PLK5: variants seen among roughly 807,000 people sequenced by gnomAD.
PLK5 encodes the protein polo like kinase 5 (inactive).
A neutral mutation model predicts 33.7 loss-of-function variants in PLK5; 28 were observed. That is an observed-to-expected ratio of 0.83 (90% confidence interval 0.62 to 1.14). The LOEUF (loss-of-function observed/expected upper bound fraction) is 1.14. Among genes scored for constraint, PLK5 ranks in the 50% most tolerant of loss-of-function variants. The probability of loss-of-function intolerance (pLI) is 0.00; values close to 1 mark genes in which losing one functional copy is unlikely to be tolerated. For missense variants in PLK5, 492 were observed against 461.5 expected, an observed-to-expected ratio of 1.07 and a Z score of -0.61; for synonymous variants, 225 against 202.2, an observed-to-expected ratio of 1.11 and a Z score of -0.96.
Position 1,535,584 on chromosome 19 carries a change from G to T in PLK5, c.*334G>T. The T allele has an allele frequency of 3.2e-6, 1 of 314,460 alleles. No homozygotes were observed. The highest frequency in any genetic ancestry group is 5.9e-6 in the Non-Finnish European group (1 of 170,940). 19.5% of individuals were successfully genotyped at this position (314,460 alleles called of 1,614,324 possible). A position where few individuals can be genotyped will look rare whatever the true frequency, so the allele number is the denominator to read the frequency against. ...AGAGGTGGGTTACATTTTCACTAAT[G>T]CAGACATTAGCACCAGAGGCCAGTG... On this transcript the variant is annotated 3_prime_UTR_variant, in exon 14 of 14. Coordinates refer to ENST00000454744, the MANE Select transcript of PLK5 (RefSeq NM_001243079.2).
At chr19:1,534,622 G>A (rs967930868) in intron 13 of PLK5, among the ~76,000 whole-genome samples, 4 of 147,332 alleles carry the variant, frequency 2.7e-5, no homozygotes, top group African/African-American at 7.6e-5. Flanking sequence ...TGCCTAACAC[G>A]GTGAAACCCC....
rs1743064988 is a variant in PLK5 at position 1,534,798 on chromosome 19, C to T, written c.826-267C>T. 3.4e-5 allele frequency among the ~76,000 whole-genome samples: 5 copies of T among 147,366 alleles called. No individual in the cohort carries two copies. In the East Asian group the frequency reaches 1.0e-3, roughly 31 times the overall value. On this transcript the variant is annotated intron_variant, in intron 13 of 13. Coordinates refer to ENST00000454744, the MANE Select transcript of PLK5 (RefSeq NM_001243079.2). Reference sequence around the variant, plus strand: ...CGCCACTGCACTCCAGCCTGGGTGACAGAGCAGGACTCTGTTTAAAAAAAA... The same window carrying T: ...CGCCACTGCACTCCAGCCTGGGTGATAGAGCAGGACTCTGTTTAAAAAAAA...
Position 1,535,206 on chromosome 19 carries a change from G to C in PLK5, c.967G>C (p.Gly323Arg), listed in dbSNP as rs265282. The C allele has an allele frequency of 0.25, 381,102 of 1,534,546 alleles. 61,200 individuals carry two copies. Among genetic ancestry groups the C allele is most frequent in the East Asian group, 0.67 (27,438 of 40,794 alleles). Reference protein sequence around the residue: ...PRSHGCAPTTGQHLHHALRML... With the variant: ...PRSHGCAPTTRQHLHHALRML... Reference sequence around the variant, plus strand: ...GAGCCACGGCTGCGCCCCCACCACCGGACAGCACCTTCACCACGCCCTCCG... The same window carrying C: ...GAGCCACGGCTGCGCCCCCACCACCCGACAGCACCTTCACCACGCCCTCCG... Residue 323 changes from glycine (G) to arginine (R), a missense_variant, in exon 14 of 14, where the codon GGA becomes CGA. By Grantham distance (125) the Gly-to-Arg change is moderately radical. Coordinates refer to ENST00000454744, the MANE Select transcript of PLK5 (RefSeq NM_001243079.2).
Position 1,528,130 on chromosome 19 carries a change from C to T in PLK5, c.197C>T (p.Thr66Ile). The change falls in exon 7 of 14, where the codon ACA (threonine) becomes ATA (isoleucine). Residue 66 changes from threonine to isoleucine, a missense_variant. Coordinates refer to ENST00000454744, the MANE Select transcript of PLK5 (RefSeq NM_001243079.2). ...CACCTGCTGCAGGACGACTTCTTCA[C>T]ACAGGTGGGCGGCGGTCCTCGGCGT... The part of the protein sequence containing the change: ...LDHLLQDDFF[T>I]QGFTPDRLPA... 6.7e-7 allele frequency: 1 copy of T among 1,489,956 alleles called. No homozygotes were observed. The highest frequency in any genetic ancestry group is 2.7e-5 in the East Asian group (1 of 37,334). 92.3% of individuals were successfully genotyped at this position (1,489,956 alleles called of 1,614,324 possible).
intron 11 of PLK5, among the ~76,000 whole-genome samples, chr19:1,530,099 C>T (rs1354205926): frequency 1.3e-5 from 2 of 152,006 alleles, no homozygotes; most frequent in East Asian, 1.9e-4. Context: ...TGACCTGGGA[C>T]GTTGGACACA....
chr19:1,529,207 A>G (rs1209910212), intron 9 of PLK5, among the ~76,000 whole-genome samples, 199 bp from the exon 10 acceptor site: 1 of 152,082 alleles, frequency 6.6e-6, no homozygotes, highest in Non-Finnish European at 1.5e-5. Flanking sequence ...GGTCCCATCC[A>G]TGGCTTCAGT....
chr19:1,533,777 C>G, intron 12 of PLK5, 154 bp from the exon 13 acceptor site: 1 of 641,350 alleles, frequency 1.6e-6, no homozygotes, highest in Middle Eastern at 4.2e-4. Context: ...GAGGGATGTG[C>G]CCGGCCTGCT....
chr19:1,528,167 C>T (rs547215949), intron 7 of PLK5, 33 bp downstream of exon 7: 21 of 1,531,410 alleles, frequency 1.4e-5, no homozygotes, highest in South Asian at 1.1e-4. Flanking sequence ...GGGTCCCTGG[C>T]GTGGGGTCCC....
At chr19:1,527,331 G>A (rs78985330) in intron 6 of PLK5, among the ~76,000 whole-genome samples, 7,059 of 152,160 alleles carry the variant, frequency 0.046, 515 homozygotes, top group African/African-American at 0.16. Flanking sequence ...GCCAGGCGCA[G>A]TGACTCACGC....
intron 11 of PLK5, among the ~76,000 whole-genome samples, chr19:1,530,675 T>A (rs1186211124): frequency 2.8e-4 from 38 of 137,134 alleles, no homozygotes; most frequent in South Asian, 7.5e-4. Context: ...GCTGGAGTGC[T>A]GTGGCGTGAT....
At chr19:1,533,391 T>C (rs1913990314) in intron 12 of PLK5, among the ~76,000 whole-genome samples, 1 of 152,120 alleles carries the variant, frequency 6.6e-6, no homozygotes, top group African/African-American at 2.4e-5. Flanking sequence ...GCGCCCGGCC[T>C]TAACACAATC....
chr19:1,528,342 GT>G lies in PLK5; in HGVS notation c.243del (p.Ile84SerfsTer103). ...CGGCTGCCGGCCCACTCCTGCCACA[GT>G]CCCCCCATCTTCGCCATACCCCCGC... Reference protein sequence around the residue: ...PDRLPAHSCHSPPIFAIPPPL... With the variant: ...PDRLPAHSCHXPPIFAIPPPL... On this transcript the variant is annotated frameshift_variant, in exon 8 of 14. Coordinates refer to ENST00000454744, the MANE Select transcript of PLK5 (RefSeq NM_001243079.2). LOFTEE classifies it high-confidence loss of function. 1 of 1,535,698 alleles carries G rather than the reference GT, an allele frequency of 6.5e-7. No individual in the cohort carries two copies. The highest frequency in any genetic ancestry group is 8.7e-7 in the Non-Finnish European group (1 of 1,146,766).
In PLK5 at chr19:1,524,116, C is replaced by G. The variant is rs1239622083; in HGVS notation, c.-674C>G. ...GCGGCCGCAGCGCGGTGGTCTCGGC[C>G]CGGCTGCGCCAGAGTCCGCGCGATG... On this transcript the variant is annotated 5_prime_UTR_variant, in exon 1 of 14. Coordinates refer to ENST00000454744, the MANE Select transcript of PLK5 (RefSeq NM_001243079.2). This position sits in a 1 kb window ranked among gnomAD's most constrained non-coding sequence, Gnocchi z 4.5. 1 of 150,982 alleles carries G rather than the reference C, an allele frequency of 6.6e-6. No homozygotes were observed. The highest frequency in any genetic ancestry group is 2.4e-5 in the African/African-American group (1 of 41,274). 9.4% of individuals were successfully genotyped at this position (150,982 alleles called of 1,614,324 possible).
Position 1,533,948 on chromosome 19 carries a change from A to G in PLK5, c.732A>G (p.Thr244=). ...ATPRREGTLP[T]PVPPAGPGLC... ...GTCCACAGGAGGGGACCCTCCCCAC[A>G]CCTGTGCCACCTGCTGGACCCGGCC... is the stretch of plus-strand genomic sequence containing the variant. The change falls in exon 13 of 14, where the codon ACA becomes ACG. Residue 244 remains threonine (T), a synonymous_variant. Transcript: ENST00000454744. The G allele has an allele frequency of 1.3e-6, 2 of 1,534,314 alleles. No homozygotes were observed. Among genetic ancestry groups the G allele is most frequent in the South Asian group, 1.2e-5 (1 of 83,982 alleles).
In PLK5 at chr19:1,535,774, CT is replaced by C. The variant is rs1274863959; in HGVS notation, c.*525del. ...CCTGTAGTCCCAGCTACTTGGGAGGCTGAGATGGGAGGATGGCGTGAGCATG... is the reference window on the plus strand; with the variant it reads ...CCTGTAGTCCCAGCTACTTGGGAGGCGAGATGGGAGGATGGCGTGAGCATG... On this transcript the variant is annotated 3_prime_UTR_variant, in exon 14 of 14. Coordinates refer to ENST00000454744, the MANE Select transcript of PLK5 (RefSeq NM_001243079.2). 2 of 160,982 alleles carry C rather than the reference CT, an allele frequency of 1.2e-5. No individual in the cohort carries two copies. Among genetic ancestry groups the C allele is most frequent in the Non-Finnish European group, 2.7e-5 (2 of 74,396 alleles). The allele number at this position is 160,982 out of a possible 1,614,324, so 10.0% of individuals were successfully genotyped here.
chr19:1,528,909 C>A lies in PLK5; in HGVS notation c.340C>A (p.Pro114Thr). Residue 114 changes from proline to threonine, a missense_variant, in exon 9 of 14, where the codon CCT (proline) becomes ACT (threonine). Coordinates refer to ENST00000454744, the MANE Select transcript of PLK5 (RefSeq NM_001243079.2). ...TGTGCCTCCCTCAGGCCCCTTCACG[C>A]CTAAAGAGGCCTCGGGTCCAGGAGA... ...TQCRPPCPFT[P>T]KEASGPGEGG... 3 of 1,516,648 alleles carry A rather than the reference C, an allele frequency of 2.0e-6. No individual in the cohort carries two copies. Among genetic ancestry groups the A allele is most frequent in the Admixed American group, 2.1e-5 (1 of 47,464 alleles). The allele number at this position is 1,516,648 out of a possible 1,614,324, so 93.9% of individuals were successfully genotyped here.
chr19:1,535,257 T>G lies in PLK5; in HGVS notation c.*7T>G. 1 of 1,534,250 alleles carries G rather than the reference T, an allele frequency of 6.5e-7. No individual in the cohort carries two copies. On this transcript the variant is annotated 3_prime_UTR_variant, in exon 14 of 14. Transcript: ENST00000454744. ...CATGCTGCAGAGTATCTAGTGCCCC[T>G]GAGGGTCAGAGTGGACCCCTGCATG...
intron 12 of PLK5, among the ~76,000 whole-genome samples, chr19:1,532,472 G>A (rs531149271): frequency 1.6e-4 from 24 of 151,764 alleles, no homozygotes; most frequent in Admixed American, 9.8e-4. Context: ...CCAGCAGTTT[G>A]AGATCAGCCT....
Position 1,535,417 on chromosome 19 carries a change from G to A in PLK5, c.*167G>A. 1.5e-6 allele frequency: 1 copy of A among 661,890 alleles called. No homozygotes were observed. Among genetic ancestry groups the A allele is most frequent in the Non-Finnish European group, 2.4e-6 (1 of 421,320 alleles). The allele number at this position is 661,890 out of a possible 1,614,324, so 41.0% of individuals were successfully genotyped here. The stretch of plus-strand genomic sequence containing the variant: ...GACTGTTCAACCCAGACTTTGCTGG[G>A]ATCTCTTCCTTTTTCATTAAAGACA... On this transcript the variant is annotated 3_prime_UTR_variant, in exon 14 of 14. Transcript: ENST00000454744.
Sources: allele counts gnomAD v4.1 joint callset (sites outside exome capture counted in the v4.1 genomes callset), GRCh38; gene constraint gnomAD v4.1.1; non-coding constraint Gnocchi (gnomAD v3.1); transcripts MANE v1.5; gene names NCBI Gene and HGNC (gene_info 2026-07-23, HGNC 2026-07-21).